Variants in CCDC148 observed in about 807,000 individuals in gnomAD.
The protein encoded by CCDC148 is coiled-coil domain containing 148, also known as coiled-coil domain-containing protein 148.
Under a neutral mutation model 85.7 loss-of-function variants are expected in CCDC148, and 89 were observed. The ratio of observed to expected loss-of-function variants is 1.04; its 90% confidence interval spans 0.87 to 1.24. The LOEUF (loss-of-function observed/expected upper bound fraction) is 1.24. Among genes scored for constraint, CCDC148 ranks in the 50% most tolerant of loss-of-function variants. The pLI is 0.00. For synonymous variants in CCDC148, 230 were observed against 213.9 expected (o/e 1.08, Z -0.66); for missense variants, 692 against 671.7 (o/e 1.03, Z -0.33).
At chr2:158,237,887 CAAAG>C (rs1179132951) in intron 10 of CCDC148, among the ~76,000 whole-genome samples, 1 of 152,038 alleles carries the variant, frequency 6.6e-6, no homozygotes, top group Non-Finnish European at 1.5e-5. Context: ...GACAGAGGAA[CAAAG>C]AAAGAATGGC....
At chr2:158,252,199 CAATT>C (rs536491595) in intron 9 of CCDC148, among the ~76,000 whole-genome samples, 330 of 151,304 alleles carry the variant, frequency 2.2e-3, no homozygotes, top group Non-Finnish European at 3.6e-3. Flanking sequence ...CAAACAAATA[CAATT>C]AATTAAAGTG....
In CCDC148 at chr2:158,311,704, A is replaced by G. The variant is rs146695856; in HGVS notation, c.903+2052T>C. On this transcript the variant is annotated intron_variant, in intron 8 of 13. Coordinates refer to ENST00000283233, the MANE Select transcript of CCDC148 (RefSeq NM_138803.4). Reference sequence around the variant, plus strand: ...TCAGTTAGACAAAATGCTAATAAACATAAAAATTGCTACCACAATCCTGAA... The same window carrying G: ...TCAGTTAGACAAAATGCTAATAAACGTAAAAATTGCTACCACAATCCTGAA... 2.8e-3 allele frequency among the ~76,000 whole-genome samples: 430 copies of G among 152,360 alleles called. 3 individuals carry two copies. The highest frequency in any genetic ancestry group is 9.6e-3 in the African/African-American group (401 of 41,586).
chr2:158,221,456 T>C (rs1383555367), intron 10 of CCDC148, among the ~76,000 whole-genome samples: 1 of 152,208 alleles, frequency 6.6e-6, no homozygotes, highest in Non-Finnish European at 1.5e-5. Context: ...GAATGTTTAT[T>C]GAACAGAGGC....
chr2:158,197,605 T>C (rs1193700180), intron 11 of CCDC148, among the ~76,000 whole-genome samples: 1 of 152,262 alleles, frequency 6.6e-6, no homozygotes, highest in African/African-American at 2.4e-5. Context: ...CTGGAGAGCA[T>C]AAGAGAGCCT....
intron 10 of CCDC148, among the ~76,000 whole-genome samples, chr2:158,243,793 C>T (rs1240166159): frequency 1.3e-5 from 2 of 152,170 alleles, no homozygotes; most frequent in Non-Finnish European, 2.9e-5. Flanking sequence ...GTCCCCAAAG[C>T]ATCAAGTCTT....
At chr2:158,227,068 G>A (rs911483539) in intron 10 of CCDC148, among the ~76,000 whole-genome samples, 2 of 151,986 alleles carry the variant, frequency 1.3e-5, no homozygotes, top group African/African-American at 4.8e-5. Context: ...CATCGTCTCA[G>A]CCCAAAATCT....
chr2:158,233,173 C>T (rs1687935735), intron 10 of CCDC148, among the ~76,000 whole-genome samples: 1 of 152,010 alleles, frequency 6.6e-6, no homozygotes, highest in African/African-American at 2.4e-5. Flanking sequence ...AAAAAGATCC[C>T]CTTTCTACTT....
chr2:158,289,906 C>G (rs758046538), intron 9 of CCDC148, among the ~76,000 whole-genome samples: 5 of 152,146 alleles, frequency 3.3e-5, no homozygotes, highest in African/African-American at 1.2e-4. Context: ...AGTACGGTAA[C>G]ATACTACTTG....
At chr2:158,389,697 T>C (rs1394054786) in intron 1 of CCDC148, among the ~76,000 whole-genome samples, 3 of 152,254 alleles carry the variant, frequency 2.0e-5, no homozygotes, top group Non-Finnish European at 4.4e-5. Flanking sequence ...GCTCTGACTT[T>C]ACTTGTAATT....
At chr2:158,425,110 G>A (rs532489339) in intron 1 of CCDC148, 97 of 480,130 alleles carry the variant, frequency 2.0e-4, no homozygotes, top group African/African-American at 4.7e-4. Context: ...TACTATGATC[G>A]CGGATATGGG....
intron 7 of CCDC148, among the ~76,000 whole-genome samples, chr2:158,336,972 C>T (rs1034112737): frequency 6.6e-6 from 1 of 152,098 alleles, no homozygotes; most frequent in Non-Finnish European, 1.5e-5. Context: ...ATATTTCTTC[C>T]TTCTGCAGAA....
At chr2:158,188,503 A>C (rs1403630246) in intron 11 of CCDC148, among the ~76,000 whole-genome samples, 1 of 151,904 alleles carries the variant, frequency 6.6e-6, no homozygotes, top group Non-Finnish European at 1.5e-5. Context: ...CCTAGATTTT[A>C]ATCATTAAAT....
At chr2:158,210,787 C>CAAAAAAAA (rs34273946) in intron 11 of CCDC148, among the ~76,000 whole-genome samples, 794 of 89,124 alleles carry the variant, frequency 8.9e-3, no homozygotes, top group Non-Finnish European at 0.011. Flanking sequence ...ACTAAAAATA[C>CAAAAAAAA]AAAAAAAAAA....
At chr2:158,398,766 A>C (rs1208575313) in intron 1 of CCDC148, among the ~76,000 whole-genome samples, 1 of 152,230 alleles carries the variant, frequency 6.6e-6, no homozygotes, top group African/African-American at 2.4e-5. Flanking sequence ...ACAAGAAATA[A>C]CTAAGATCAG....
chr2:158,287,949 A>G (rs1690706353), intron 9 of CCDC148, among the ~76,000 whole-genome samples: 2 of 152,116 alleles, frequency 1.3e-5, no homozygotes, highest in Admixed American at 6.5e-5. Context: ...CTTTCCATAC[A>G]TCTTCTGGAA....
chr2:158,412,370 G>A (rs1019037815), intron 1 of CCDC148, among the ~76,000 whole-genome samples: 12 of 152,068 alleles, frequency 7.9e-5, no homozygotes, highest in Non-Finnish European at 1.5e-4. Context: ...AGGAGATGAG[G>A]AATGGGACTC....
At chr2:158,352,721 G>C (rs1400395394) in intron 2 of CCDC148, among the ~76,000 whole-genome samples, 1 of 151,480 alleles carries the variant, frequency 6.6e-6, no homozygotes, top group Non-Finnish European at 1.5e-5. Flanking sequence ...AGGAAATACA[G>C]AGAACGCCAC....
chr2:158,385,815 G>A (rs560412619), intron 1 of CCDC148, among the ~76,000 whole-genome samples: 1 of 152,184 alleles, frequency 6.6e-6, no homozygotes, highest in East Asian at 1.9e-4. Flanking sequence ...TGGCAAGATA[G>A]GGCCTCTTGA....
At chr2:158,296,447 C>T (rs1037419414) in intron 9 of CCDC148, among the ~76,000 whole-genome samples, 1 of 151,980 alleles carries the variant, frequency 6.6e-6, no homozygotes, top group Admixed American at 6.6e-5. Flanking sequence ...TTTTTAATGG[C>T]TATGTATTTA....
Sources: gnomAD v4.1 joint callset for allele counts (sites outside exome capture counted in the v4.1 genomes callset) on GRCh38, gnomAD v4.1.1 for gene constraint, MANE v1.5 for transcripts, NCBI Gene and HGNC (gene_info 2026-07-23, HGNC 2026-07-21) for gene names.